RGS7: variants seen among roughly 807,000 people sequenced by gnomAD.
RGS7 encodes regulator of G protein signaling 7, also known as regulator of G-protein signaling 7.
RGS7 carries 27 observed loss-of-function variants against 81.1 expected under a neutral mutation model. The observed-to-expected ratio is 0.33, with a 90% CI of 0.25 to 0.46. The LOEUF (loss-of-function observed/expected upper bound fraction) is 0.46. Among genes scored for constraint, RGS7 ranks in the 20% least tolerant of loss-of-function variants. The pLI is 1.00. For missense variants in RGS7, 396 were observed against 607.4 expected (o/e 0.65, Z 3.66); for synonymous variants, 208 against 207.7 (o/e 1.00, Z -0.01).
chr1:241,329,738 T>C (rs1340336525), intron 2 of RGS7, among the ~76,000 whole-genome samples: 1 of 151,960 alleles, frequency 6.6e-6, no homozygotes, highest in Non-Finnish European at 1.5e-5. Context: ...AAAAGGAAGA[T>C]TTTTTTTAGC....
chr1:240,946,979 A>C (rs560953990), intron 4 of RGS7, among the ~76,000 whole-genome samples: 2 of 152,358 alleles, frequency 1.3e-5, no homozygotes, highest in South Asian at 4.1e-4. Context: ...ACATCACATC[A>C]TACCTTATAA....
chr1:241,083,305 A>G (rs1462840014), intron 3 of RGS7, among the ~76,000 whole-genome samples: 1 of 152,160 alleles, frequency 6.6e-6, no homozygotes, highest in Non-Finnish European at 1.5e-5. Flanking sequence ...AAAGAAAAGA[A>G]AAGAAAGTTT....
chr1:240,931,889 C>G (rs964571969), intron 5 of RGS7, among the ~76,000 whole-genome samples: 16 of 152,126 alleles, frequency 1.1e-4, no homozygotes, highest in African/African-American at 3.6e-4. Flanking sequence ...TGGCTCCTGA[C>G]CACGAAGAAA....
At chr1:241,113,373 G>T (rs1272439686) in intron 2 of RGS7, among the ~76,000 whole-genome samples, 2 of 152,122 alleles carry the variant, frequency 1.3e-5, no homozygotes, top group Non-Finnish European at 2.9e-5. Context: ...TTTGGTAATT[G>T]TTAAAGTCAT....
intron 2 of RGS7, among the ~76,000 whole-genome samples, chr1:241,279,364 C>T (rs1218711698): frequency 3.3e-5 from 5 of 152,084 alleles, no homozygotes; most frequent in Non-Finnish European, 5.9e-5. Flanking sequence ...AAAGAACAAA[C>T]GTATTTTGTG....
chr1:240,834,793 G>C (rs1572331770), intron 9 of RGS7, among the ~76,000 whole-genome samples: 1 of 152,066 alleles, frequency 6.6e-6, no homozygotes, highest in Non-Finnish European at 1.5e-5. Flanking sequence ...TTACAGGCTT[G>C]AGCCACCGCG....
intron 3 of RGS7, among the ~76,000 whole-genome samples, chr1:240,995,474 G>C (rs190474473): frequency 1.3e-5 from 2 of 152,184 alleles, no homozygotes; most frequent in East Asian, 3.9e-4. Context: ...TGTTTTTAGA[G>C]ATTTCTAAAT....
chr1:241,235,559 GCTT>G (rs1374561577), intron 2 of RGS7, among the ~76,000 whole-genome samples: 1 of 151,982 alleles, frequency 6.6e-6, no homozygotes, highest in Non-Finnish European at 1.5e-5. Context: ...ATTGTAGAAT[GCTT>G]CTTTTTCTTT....
intron 9 of RGS7, among the ~76,000 whole-genome samples, chr1:240,866,233 C>T (rs1037982105): frequency 8.5e-5 from 13 of 152,148 alleles, no homozygotes; most frequent in Admixed American, 6.5e-4. Context: ...GGATGATGGC[C>T]GGGCGCGGTT....
rs1683893517 is a variant in RGS7, at chr1:240,780,803, AC to A, written c.*7-4591del. Reference sequence around the variant, plus strand: ...GTGGTGCGTGCCTGTAGTCCCAGCTACTAAGGAGGCCGAGGCAGGAGAATCG... The same window carrying A: ...GTGGTGCGTGCCTGTAGTCCCAGCTATAAGGAGGCCGAGGCAGGAGAATCG... On this transcript the variant is annotated intron_variant, in intron 18 of 18. Coordinates refer to ENST00000440928, the MANE Select transcript of RGS7 (RefSeq NM_001364886.1). Among the ~76,000 whole-genome samples, 4 of 151,584 alleles carry A rather than the reference AC, an allele frequency of 2.6e-5. No homozygotes were observed. The South Asian group carries it at 8.3e-4, about 32-fold the overall frequency.
At chr1:241,263,351 T>A (rs1356134162) in intron 2 of RGS7, among the ~76,000 whole-genome samples, 1 of 152,130 alleles carries the variant, frequency 6.6e-6, no homozygotes, top group African/African-American at 2.4e-5. Flanking sequence ...TACAACTCCA[T>A]CAATCTGCTT....
At chr1:241,341,176 T>A (rs2082522694) in intron 2 of RGS7, among the ~76,000 whole-genome samples, 1 of 152,166 alleles carries the variant, frequency 6.6e-6, no homozygotes, top group Non-Finnish European at 1.5e-5. Flanking sequence ...TTGAATTTGA[T>A]CCTTACAACA....
At chr1:241,100,766 C>T (rs567527783) in intron 2 of RGS7, among the ~76,000 whole-genome samples, 1 of 152,308 alleles carries the variant, frequency 6.6e-6, no homozygotes, top group Non-Finnish European at 1.5e-5. Context: ...AAGCCTGGTA[C>T]ATATATAGAA....
chr1:240,906,044 A>AT (rs2148222145), intron 6 of RGS7, among the ~76,000 whole-genome samples: 1 of 152,272 alleles, frequency 6.6e-6, no homozygotes, highest in Non-Finnish European at 1.5e-5. Context: ...CCTACCACCC[A>AT]TATTGCCACA....
intron 2 of RGS7, among the ~76,000 whole-genome samples, chr1:241,309,553 T>A (rs959851504): frequency 6.6e-5 from 10 of 152,182 alleles, no homozygotes; most frequent in African/African-American, 2.4e-4. Context: ...CATCTGGTGT[T>A]AAGATTCCAG....
chr1:240,886,993 C>A (rs546558931), intron 6 of RGS7, among the ~76,000 whole-genome samples: 2 of 152,072 alleles, frequency 1.3e-5, no homozygotes, highest in Admixed American at 6.6e-5. Context: ...GATTTGCTCA[C>A]CTGTGTAATG....
chr1:241,284,796 G>GT (rs902565672), intron 2 of RGS7, among the ~76,000 whole-genome samples: 1 of 152,136 alleles, frequency 6.6e-6, no homozygotes, highest in East Asian at 1.9e-4. Context: ...TGATGCTACA[G>GT]TTTTTTCTGT....
intron 2 of RGS7, chr1:241,305,737 C>T: frequency 4.9e-6 from 1 of 205,534 alleles, no homozygotes; most frequent in Non-Finnish European, 1.0e-5. Flanking sequence ...GCACACCGCT[C>T]TATGGGACAA....
At chr1:241,028,418 T>C (rs2059902269) in intron 3 of RGS7, among the ~76,000 whole-genome samples, 1 of 152,202 alleles carries the variant, frequency 6.6e-6, no homozygotes, top group Non-Finnish European at 1.5e-5. Flanking sequence ...AGCTTTACTG[T>C]TGCAATGGTA....
Sources: gnomAD v4.1 joint callset for allele counts (sites outside exome capture counted in the v4.1 genomes callset) on GRCh38, gnomAD v4.1.1 for gene constraint, MANE v1.5 for transcripts, NCBI Gene and HGNC (gene_info 2026-07-23, HGNC 2026-07-21) for gene names.